CEP44: variants seen among roughly 807,000 people sequenced by gnomAD.
CEP44 encodes centrosomal protein of 44 kDa.
CEP44 carries 45 observed loss-of-function variants against 46.7 expected under a neutral mutation model. The observed-to-expected ratio is 0.96, with a 90% CI of 0.76 to 1.24. The LOEUF is 1.24. Among genes scored for constraint, CEP44 ranks in the 50% most tolerant of loss-of-function variants. CEP44 has a pLI of 0.00. For synonymous variants in CEP44, 142 were observed against 146.0 expected (o/e 0.97, Z 0.20); for missense variants, 475 against 459.7 (o/e 1.03, Z -0.30).
rs1417124856 is a variant in CEP44, at chr4:174,317,963, A to G, written c.*580A>G. 5.1e-6 allele frequency: 5 copies of G among 985,240 alleles called. No individual in the cohort carries two copies. The highest frequency in any genetic ancestry group is 3.5e-5 in the African/African-American group (2 of 57,254). The allele number at this position is 985,240 out of a possible 1,614,324, so 61.0% of individuals were successfully genotyped here. On this transcript the variant is annotated 3_prime_UTR_variant, in exon 12 of 12. Coordinates refer to ENST00000503780, the MANE Select transcript of CEP44 (RefSeq NM_001040157.3). ...TAAGATTCTCCTTTTGTACTGGGAA[A>G]CAGGCTGGAGGACTATGGTCCTCAA...
Position 174,318,616 on chromosome 4 carries a change from T to A in CEP44, c.*1233T>A, listed in dbSNP as rs138654619. 6.9e-4 allele frequency: 462 copies of A among 671,892 alleles called. 3 individuals carry two copies. The African/African-American group carries it at 8.0e-3, about 12-fold the overall frequency. The allele number at this position is 671,892 out of a possible 1,614,324, so 41.6% of individuals were successfully genotyped here. A position where few individuals can be genotyped will look rare whatever the true frequency, so the allele number is the denominator to read the frequency against. ...TTGGAAGGAAAATTAGTATTTTTTTTAATATTATATGGACCATCTGATTAT... is the reference window on the plus strand; with the variant it reads ...TTGGAAGGAAAATTAGTATTTTTTTAAATATTATATGGACCATCTGATTAT... On this transcript the variant is annotated 3_prime_UTR_variant, in exon 12 of 12. Transcript: ENST00000503780.
At position 174,286,831 on chromosome 4, in the gene CEP44, G is replaced by T. The variant is rs1737636227; in HGVS notation, c.-148+2888G>T. 6.6e-6 allele frequency among the ~76,000 whole-genome samples: 1 copy of T among 152,170 alleles called. No homozygotes were observed. Among genetic ancestry groups the T allele is most frequent in the African/African-American group, 2.4e-5 (1 of 41,430 alleles). ...CGTTCAAATCTTTTGGTTCACGTAT[G>T]TGTTTTTCTGTTGTGTACATTCTTC... On this transcript the variant is annotated intron_variant, in intron 1 of 11. Transcript: ENST00000503780. The surrounding 1 kb of genome is among the most constrained non-coding windows in gnomAD (Gnocchi z 5.2).
chr4:174,294,968 G>T (rs1253527713), intron 1 of CEP44, among the ~76,000 whole-genome samples: 4 of 137,050 alleles, frequency 2.9e-5, no homozygotes, highest in African/African-American at 1.2e-4. Flanking sequence ...GGGACGGCTG[G>T]CCGGGTGGGG....
Position 174,287,571 on chromosome 4 carries a change from G to T in CEP44, c.-148+3628G>T, listed in dbSNP as rs914782376. 6.6e-6 allele frequency among the ~76,000 whole-genome samples: 1 copy of T among 152,026 alleles called. No individual in the cohort carries two copies. Among genetic ancestry groups the T allele is most frequent in the Admixed American group, 6.6e-5 (1 of 15,256 alleles). Reference sequence around the variant, plus strand: ...ATCCCAGATACCATTTCTGTTATTTGTTGCTTTCTATAATATTTTAAATTA... The same window carrying T: ...ATCCCAGATACCATTTCTGTTATTTTTTGCTTTCTATAATATTTTAAATTA... On this transcript the variant is annotated intron_variant, in intron 1 of 11. Transcript: ENST00000503780. This position sits in a 1 kb window ranked among gnomAD's most constrained non-coding sequence, Gnocchi z 5.1.
In CEP44 at chr4:174,317,796, C is replaced by T. The variant is rs1194139038; in HGVS notation, c.*413C>T. On this transcript the variant is annotated 3_prime_UTR_variant, in exon 12 of 12. Coordinates refer to ENST00000503780, the MANE Select transcript of CEP44 (RefSeq NM_001040157.3). ...ATACCCAGGAGGCTCTCATATATACCATCTTGGCATCTGTACTGATGAATA... is the reference window on the plus strand; with the variant it reads ...ATACCCAGGAGGCTCTCATATATACTATCTTGGCATCTGTACTGATGAATA... 5 of 986,232 alleles carry T rather than the reference C, an allele frequency of 5.1e-6. No individual in the cohort carries two copies. The highest frequency in any genetic ancestry group is 6.0e-6 in the Non-Finnish European group (5 of 830,376). The allele number at this position is 986,232 out of a possible 1,614,324, so 61.1% of individuals were successfully genotyped here.
downstream of CEP44, among the ~76,000 whole-genome samples, chr4:174,321,041 A>G (rs1742283921): frequency 6.6e-6 from 1 of 152,110 alleles, no homozygotes; most frequent in South Asian, 2.1e-4. Flanking sequence ...TAGCAAAAAG[A>G]TACTACACTA....
chr4:174,299,171 TCCGCTTGCTAAA>T lies in CEP44; in HGVS notation c.51_62del (p.Arg18_Asn21del), dbSNP rs769120665. 1 of 1,613,824 alleles carries T rather than the reference TCCGCTTGCTAAA, an allele frequency of 6.2e-7. No homozygotes were observed. The highest frequency in any genetic ancestry group is 1.3e-5 in the African/African-American group (1 of 75,048). On this transcript the variant is annotated inframe_deletion, in exon 3 of 12. Transcript: ENST00000503780. ...AGCTTACGGAACCTAGAACAGGTGC[TCCGCTTGCTAAA>T]TTATCCTGAAGAGGTGGACTGTGTA... is the stretch of plus-strand genomic sequence containing the variant.
chr4:174,319,679 A>G lies in CEP44; in HGVS notation c.*2296A>G. 1 of 765,828 alleles carries G rather than the reference A, an allele frequency of 1.3e-6. No homozygotes were observed. Among genetic ancestry groups the G allele is most frequent in the Non-Finnish European group, 1.6e-6 (1 of 629,052 alleles). 47.4% of individuals were successfully genotyped at this position (765,828 alleles called of 1,614,324 possible). A position where few individuals can be genotyped will look rare whatever the true frequency, so the allele number is the denominator to read the frequency against. On this transcript the variant is annotated 3_prime_UTR_variant, in exon 12 of 12. Transcript: ENST00000503780. ...ATATGTTATCAGGTGGAAATTTAGAATCCAAATTTTCTTAAACTTTAATAA... is the reference window on the plus strand; with the variant it reads ...ATATGTTATCAGGTGGAAATTTAGAGTCCAAATTTTCTTAAACTTTAATAA...
intron 5 of CEP44, 138 bp downstream of exon 5, chr4:174,303,987 T>G (rs1479345918): frequency 2.7e-6 from 2 of 727,678 alleles, no homozygotes; most frequent in East Asian, 2.9e-5. Context: ...TTGAGTAACC[T>G]TATAAAGCTT....
In CEP44 at chr4:174,297,583, A is replaced by G. The variant is rs1377868511; in HGVS notation, c.-147-383A>G. 6.6e-6 allele frequency among the ~76,000 whole-genome samples: 1 copy of G among 152,056 alleles called. No individual in the cohort carries two copies. The highest frequency in any genetic ancestry group is 6.6e-5 in the Admixed American group (1 of 15,260). ...CACCTTCTCTAGCATAGAACCTGATAGTCTGCTGTCACAGAGGATGTAAGT... is the reference window on the plus strand; with the variant it reads ...CACCTTCTCTAGCATAGAACCTGATGGTCTGCTGTCACAGAGGATGTAAGT... On this transcript the variant is annotated intron_variant, in intron 1 of 11. Transcript: ENST00000503780. The surrounding 1 kb of genome is among the most constrained non-coding windows in gnomAD (Gnocchi z 4.3).
rs1742138016 is a variant in CEP44, at chr4:174,319,773, A to G, written c.*2390A>G. On this transcript the variant is annotated 3_prime_UTR_variant, in exon 12 of 12. Transcript: ENST00000503780. ...ATATCATACATTTACACTTACAAAGAGTCTTTATCTAGACAACATAATTTT... is the reference window on the plus strand; with the variant it reads ...ATATCATACATTTACACTTACAAAGGGTCTTTATCTAGACAACATAATTTT... 1 of 913,444 alleles carries G rather than the reference A, an allele frequency of 1.1e-6. No individual in the cohort carries two copies. The allele number at this position is 913,444 out of a possible 1,614,324, so 56.6% of individuals were successfully genotyped here.
chr4:174,318,058 A>G lies in CEP44; in HGVS notation c.*675A>G. On this transcript the variant is annotated 3_prime_UTR_variant, in exon 12 of 12. Transcript: ENST00000503780. ...TGTGTTGAACATTTTAGTATGCTCT[A>G]TTGTATAATTTTTTTGGAGGGGGGG... 4 of 985,320 alleles carry G rather than the reference A, an allele frequency of 4.1e-6. No homozygotes were observed. The highest frequency in any genetic ancestry group is 4.8e-6 in the Non-Finnish European group (4 of 829,924). The allele number at this position is 985,320 out of a possible 1,614,324, so 61.0% of individuals were successfully genotyped here.
downstream of CEP44, among the ~76,000 whole-genome samples, chr4:174,320,625 A>G (rs928101041): frequency 1.1e-5 from 1 of 93,086 alleles, no homozygotes; most frequent in African/African-American, 4.0e-5. Flanking sequence ...GCATAAACAA[A>G]GGCTTGAAAG....
intron 1 of CEP44, among the ~76,000 whole-genome samples, chr4:174,295,083 T>C (rs1347007197): frequency 8.8e-4 from 77 of 87,036 alleles, no homozygotes; most frequent in East Asian, 1.5e-3. Flanking sequence ...GGGGGGCTGA[T>C]CCCCCCACCT....
At position 174,290,656 on chromosome 4, in the gene CEP44, T is replaced by C. The variant is rs1008747892; in HGVS notation, c.-148+6713T>C. Among the ~76,000 whole-genome samples, 2 of 152,134 alleles carry C rather than the reference T, an allele frequency of 1.3e-5. No homozygotes were observed. Among genetic ancestry groups the C allele is most frequent in the African/African-American group, 4.8e-5 (2 of 41,452 alleles). ...GACGTATCAAAGTCTCCTTCTGTAT[T>C]GTATTGATATCTATTTCTTCCTCCA... is the stretch of plus-strand genomic sequence containing the variant. On this transcript the variant is annotated intron_variant, in intron 1 of 11. Transcript: ENST00000503780. The surrounding 1 kb of genome is among the most constrained non-coding windows in gnomAD (Gnocchi z 4.3).
rs1006386825 is a variant in CEP44, at chr4:174,319,727, G to A, written c.*2344G>A. The A allele has an allele frequency of 7.9e-6, 7 of 884,152 alleles. No homozygotes were observed. The African/African-American group carries it at 1.1e-4, about 14-fold the overall frequency. 54.8% of individuals were successfully genotyped at this position (884,152 alleles called of 1,614,324 possible). On this transcript the variant is annotated 3_prime_UTR_variant, in exon 12 of 12. Coordinates refer to ENST00000503780, the MANE Select transcript of CEP44 (RefSeq NM_001040157.3). ...TAACTTGTCTAACAACTCTCTAATAGGGACTAAAAATCAACTCAATATATC... is the reference window on the plus strand; with the variant it reads ...TAACTTGTCTAACAACTCTCTAATAAGGACTAAAAATCAACTCAATATATC...
At chr4:174,327,687 G>T (rs925844166) in intron 8 of CEP44, among the ~76,000 whole-genome samples, 1 of 152,110 alleles carries the variant, frequency 6.6e-6, no homozygotes, top group East Asian at 1.9e-4. Context: ...TGACTGTAGT[G>T]GGGAATGGAT....
Position 174,317,353 on chromosome 4 carries a change from G to C in CEP44, c.1143G>C (p.Glu381Asp). The change falls in exon 12 of 12, where the codon GAG becomes GAC. Residue 381 changes from glutamate (E) to aspartate (D), a missense_variant. Glu to Asp is a conservative substitution (Grantham distance 45). Coordinates refer to ENST00000503780, the MANE Select transcript of CEP44 (RefSeq NM_001040157.3). ...ATTTCAGGTTTGAAGAAACTGCAGA[G>C]TTACTGAAATGTCCAAATCACTACT... ...RMKKMFEETA[E>D]LLKCPNHYL 1 of 1,404,762 alleles carries C rather than the reference G, an allele frequency of 7.1e-7. No individual in the cohort carries two copies. Among genetic ancestry groups the C allele is most frequent in the Non-Finnish European group, 9.5e-7 (1 of 1,053,070 alleles). 87.0% of individuals were successfully genotyped at this position (1,404,762 alleles called of 1,614,324 possible).
In CEP44 at chr4:174,331,408, C is replaced by G. The variant is rs2126709600; in HGVS notation, c.1087-74C>G. ...ATATTAATAGCACTCTGACACTGCT[C>G]TAATTCCTATCTACCCATTCTGCCA... On this transcript the variant is annotated intron_variant, in intron 8 of 8. Transcript: ENST00000426172. The surrounding 1 kb of genome is among the most constrained non-coding windows in gnomAD (Gnocchi z 4.5). The G allele has an allele frequency of 2.0e-6, 3 of 1,497,620 alleles. No homozygotes were observed. The highest frequency in any genetic ancestry group is 2.7e-6 in the Non-Finnish European group (3 of 1,110,272). 92.8% of individuals were successfully genotyped at this position (1,497,620 alleles called of 1,614,324 possible). A position where few individuals can be genotyped will look rare whatever the true frequency, so the allele number is the denominator to read the frequency against.
Sources: gnomAD v4.1 joint callset for allele counts (sites outside exome capture counted in the v4.1 genomes callset) on GRCh38, gnomAD v4.1.1 for gene constraint, Gnocchi (gnomAD v3.1) non-coding constraint, MANE v1.5 for transcripts, NCBI Gene and HGNC (gene_info 2026-07-23, HGNC 2026-07-21) for gene names.